The following CREBRF variants were observed in gnomAD, a reference collection of about 807,000 sequenced individuals.
CREBRF encodes CREB3 regulatory factor.
CREBRF carries 5 observed loss-of-function variants against 66.1 expected under a neutral mutation model. The observed-to-expected ratio is 0.08, with a 90% CI of 0.04 to 0.16. The LOEUF (loss-of-function observed/expected upper bound fraction) is 0.16, where lower values mean the gene tolerates loss of function less well. Among genes scored for constraint, CREBRF ranks in the 10% least tolerant of loss-of-function variants. The pLI is 1.00. For synonymous variants in CREBRF, 229 were observed against 264.4 expected (o/e 0.87, Z 1.30); for missense variants, 531 against 744.9 (o/e 0.71, Z 3.34).
chr5:173,132,998 C>A (rs572322800), intron 8 of CREBRF, among the ~76,000 whole-genome samples: 1 of 151,928 alleles, frequency 6.6e-6, no homozygotes, highest in Admixed American at 6.6e-5. Flanking sequence ...TGTACTTATA[C>A]CTCTGTTATT....
chr5:173,097,604 AT>A (rs1221526134), intron 4 of CREBRF, among the ~76,000 whole-genome samples: 5 of 150,880 alleles, frequency 3.3e-5, no homozygotes, highest in Admixed American at 6.6e-5. Context: ...GAACTTTTCT[AT>A]TTTTTTCATG....
intron 1 of CREBRF, among the ~76,000 whole-genome samples, chr5:173,074,584 C>T (rs1238190682): frequency 6.6e-6 from 1 of 151,246 alleles, no homozygotes; most frequent in Non-Finnish European, 1.5e-5. Flanking sequence ...AATTCACCTC[C>T]CATATTTTAT....
intron 6 of CREBRF, among the ~76,000 whole-genome samples, chr5:173,111,251 T>C (rs1224421799): frequency 6.6e-6 from 1 of 152,156 alleles, no homozygotes; most frequent in Non-Finnish European, 1.5e-5. Flanking sequence ...ATATACTGTA[T>C]GTATGTAGCC....
At chr5:173,109,826 T>G (rs1220463603) in intron 5 of CREBRF, 2 of 152,770 alleles carry the variant, frequency 1.3e-5, no homozygotes, top group East Asian at 3.8e-4. Flanking sequence ...AGTAAATAAT[T>G]ACCAAGCTTT....
At chr5:173,056,505 A>C in intron 1 of CREBRF, 26 bp downstream of exon 1, 1 of 398,240 alleles carries the variant, frequency 2.5e-6, no homozygotes, top group East Asian at 3.6e-5. Flanking sequence ...CGCTGCTCGG[A>C]ACCCCCAGGG....
chr5:173,085,688 A>T, intron 2 of CREBRF: 2 of 708,556 alleles, frequency 2.8e-6, no homozygotes, highest in Admixed American at 1.9e-5. Context: ...AAGTGCTGGG[A>T]TTACAGGCGT....
chr5:173,080,334 T>G (rs1447126031), intron 1 of CREBRF, among the ~76,000 whole-genome samples: 3 of 124,184 alleles, frequency 2.4e-5, no homozygotes, highest in Non-Finnish European at 3.5e-5. Context: ...TAATTTTGTG[T>G]TTTTTTTTTT....
chr5:173,082,021 T>TTTTTTTTTTGTTTTTTG (rs1757968583), intron 2 of CREBRF, among the ~76,000 whole-genome samples: 1 of 134,462 alleles, frequency 7.4e-6, no homozygotes, highest in Non-Finnish European at 1.6e-5. Flanking sequence ...TTTTTTTTTT[T>TTTTTTTTTTGTTTTTTG]TTTTTTTTTT....
intron 1 of CREBRF, chr5:173,068,151 C>G (rs1489653712): frequency 2.0e-5 from 9 of 453,280 alleles, no homozygotes; most frequent in South Asian, 1.3e-4. Context: ...TAACGAGTTA[C>G]TGTAAATTTT....
intron 1 of CREBRF, among the ~76,000 whole-genome samples, chr5:173,076,631 C>T (rs898130704): frequency 1.3e-5 from 2 of 151,710 alleles, no homozygotes; most frequent in East Asian, 3.9e-4. Context: ...TGCTGCATGC[C>T]TGTAATCCCA....
chr5:173,088,287 G>A (rs1469866547), intron 3 of CREBRF, among the ~76,000 whole-genome samples: 5 of 76,808 alleles, frequency 6.5e-5, no homozygotes, highest in Non-Finnish European at 9.1e-5. Flanking sequence ...TTTTTTTTGA[G>A]ACAGAGTTTC....
chr5:173,094,297 C>A (rs1002435393), intron 4 of CREBRF, among the ~76,000 whole-genome samples: 2 of 152,092 alleles, frequency 1.3e-5, no homozygotes, highest in African/African-American at 4.8e-5. Flanking sequence ...TTGGCTGTAT[C>A]CCCAGAAGTG....
chr5:173,088,893 A>G (rs567094432), intron 3 of CREBRF, among the ~76,000 whole-genome samples: 72 of 152,206 alleles, frequency 4.7e-4, no homozygotes, highest in Admixed American at 7.9e-4. Context: ...AAACATACAC[A>G]GACAGGCCGG....
In CREBRF at chr5:173,092,062, C is replaced by G. The variant is rs186972122; in HGVS notation, c.1222+661C>G. 673 of 562,918 alleles carry G rather than the reference C, an allele frequency of 1.2e-3. 3 individuals carry two copies. The African/African-American group carries it at 0.013, about 11-fold the overall frequency. The allele number at this position is 562,918 out of a possible 1,614,324, so 34.9% of individuals were successfully genotyped here. A position where few individuals can be genotyped will look rare whatever the true frequency, so the allele number is the denominator to read the frequency against. ...CACCATTGCACTCCAGCCTGGGCAACAGGAGTGAAAGTCTGTCTCAATAAC... is the reference window on the plus strand; with the variant it reads ...CACCATTGCACTCCAGCCTGGGCAAGAGGAGTGAAAGTCTGTCTCAATAAC... On this transcript the variant is annotated intron_variant, in intron 4 of 8. Transcript: ENST00000296953.
rs171645 is a variant in CREBRF, at chr5:173,061,135, G to A, written c.-192+4656G>A. Among the ~76,000 whole-genome samples, 924 of 152,158 alleles carry A rather than the reference G, an allele frequency of 6.1e-3. 2 individuals carry two copies. Among genetic ancestry groups the A allele is most frequent in the Middle Eastern group, 0.017 (5 of 294 alleles). On this transcript the variant is annotated intron_variant, in intron 1 of 8. Coordinates refer to ENST00000296953, the MANE Select transcript of CREBRF (RefSeq NM_153607.3). Reference sequence around the variant, plus strand: ...GGCGCCTGCCACCGTGCCCAGCCAAGTTTTGTATTTTTAGTAGAGACGGGG... The same window carrying A: ...GGCGCCTGCCACCGTGCCCAGCCAAATTTTGTATTTTTAGTAGAGACGGGG...
chr5:173,092,073 G>A (rs1210360746), intron 4 of CREBRF: 1 of 645,016 alleles, frequency 1.6e-6, no homozygotes, highest in African/African-American at 2.0e-5. Context: ...AGGAGTGAAA[G>A]TCTGTCTCAA....
intron 4 of CREBRF, among the ~76,000 whole-genome samples, chr5:173,095,482 C>T (rs1221066154): frequency 6.6e-6 from 1 of 152,146 alleles, no homozygotes; most frequent in Admixed American, 6.6e-5. Flanking sequence ...AGCCACCGTG[C>T]CTGGCCTATA....
At chr5:173,088,620 A>C (rs2113732047) in intron 3 of CREBRF, among the ~76,000 whole-genome samples, 1 of 152,218 alleles carries the variant, frequency 6.6e-6, no homozygotes, top group African/African-American at 2.4e-5. Flanking sequence ...GAATGACATA[A>C]AGAATGTGGC....
chr5:173,104,417 A>G (rs1350319625), intron 4 of CREBRF, among the ~76,000 whole-genome samples: 1 of 152,134 alleles, frequency 6.6e-6, no homozygotes, highest in Non-Finnish European at 1.5e-5. Flanking sequence ...ATGGTAATTC[A>G]TGCCCGTAAT....
Sources: allele counts gnomAD v4.1 joint callset (sites outside exome capture counted in the v4.1 genomes callset), GRCh38; gene constraint gnomAD v4.1.1; transcripts MANE v1.5; gene names NCBI Gene and HGNC (gene_info 2026-07-23, HGNC 2026-07-21).